Variants in PRDM11 observed in about 807,000 individuals in gnomAD.
PRDM11 encodes the protein PR domain-containing protein 11.
In PRDM11, 20 loss-of-function variants were observed where a neutral mutation model predicts 97.8. The ratio of observed to expected loss-of-function variants is 0.20; its 90% CI spans 0.14 to 0.30. The LOEUF is 0.30. Among genes scored for constraint, PRDM11 ranks in the 10% least tolerant of loss-of-function variants. The pLI is 1.00. For missense variants in PRDM11, 1,139 were observed against 1,555.2 expected (o/e 0.73, Z 4.50); for synonymous variants, 599 against 637.7 (o/e 0.94, Z 0.91).
intron 5 of PRDM11, among the ~76,000 whole-genome samples, chr11:45,211,799 TTGGGTCA>T (rs1242158708): frequency 6.6e-6 from 1 of 152,068 alleles, no homozygotes; most frequent in East Asian, 1.9e-4. Context: ...TGTATACTGC[TTGGGTCA>T]TGGGTGCACC....
At chr11:45,127,741 T>C (rs537694755) in intron 1 of PRDM11, among the ~76,000 whole-genome samples, 8 of 152,256 alleles carry the variant, frequency 5.3e-5, no homozygotes, top group Non-Finnish European at 1.0e-4. Context: ...TACCCGGCCC[T>C]GTGAGGTGTC....
At chr11:45,103,723 A>C (rs1190394895) in intron 1 of PRDM11, among the ~76,000 whole-genome samples, 1 of 148,276 alleles carries the variant, frequency 6.7e-6, no homozygotes, top group Non-Finnish European at 1.5e-5. Context: ...CATTATATGT[A>C]ATACTATATA....
rs578001880 is a variant in PRDM11, at chr11:45,134,244, G to A, written c.96+38343G>A. 2.6e-5 allele frequency among the ~76,000 whole-genome samples: 4 copies of A among 152,280 alleles called. No homozygotes were observed. In the South Asian group the frequency reaches 6.2e-4, roughly 24 times the overall value. On this transcript the variant is annotated intron_variant, in intron 1 of 6. Transcript: ENST00000530656. ...GACCAAATAGCTCATGCTGAAATAG[G>A]GTTAATGCAGGAGATATAGAAGAAA... is the stretch of plus-strand genomic sequence containing the variant.
chr11:45,134,719 AAAAAAAAG>A (rs1852799138), intron 1 of PRDM11, among the ~76,000 whole-genome samples: 3 of 147,870 alleles, frequency 2.0e-5, no homozygotes, highest in Non-Finnish European at 4.5e-5. Context: ...AAAAAAAAAA[AAAAAAAAG>A]AATAGTATTT....
intron 1 of PRDM11, among the ~76,000 whole-genome samples, chr11:45,099,546 C>G (rs1319360977): frequency 6.8e-6 from 1 of 146,492 alleles, no homozygotes; most frequent in Non-Finnish European, 1.5e-5. Flanking sequence ...CTGCCTTACA[C>G]TGCCTTTTTT....
intron 1 of PRDM11, 133 bp from the exon 2 acceptor site, chr11:45,181,628 A>G (rs1852503532): frequency 1.5e-6 from 1 of 686,234 alleles, no homozygotes; most frequent in African/African-American, 1.8e-5. Flanking sequence ...TGTGTTCTCA[A>G]GTGCTTCCTC....
At chr11:45,118,954 G>T (rs1434721215) in intron 1 of PRDM11, among the ~76,000 whole-genome samples, 1 of 152,222 alleles carries the variant, frequency 6.6e-6, no homozygotes, top group African/African-American at 2.4e-5. Context: ...GCATGGACTG[G>T]CAGTCTGCCT....
At chr11:45,209,363 C>T in intron 5 of PRDM11, 1 of 348,852 alleles carries the variant, frequency 2.9e-6, no homozygotes, top group Non-Finnish European at 5.7e-6. Context: ...TCCACAGTCT[C>T]CCACCGACTT....
At chr11:45,125,910 T>C (rs1852558707) in intron 1 of PRDM11, among the ~76,000 whole-genome samples, 1 of 152,228 alleles carries the variant, frequency 6.6e-6, no homozygotes, top group Non-Finnish European at 1.5e-5. Flanking sequence ...ACTTTCTGTC[T>C]TGTTGATCTG....
At chr11:45,119,301 G>T (rs914732321) in intron 1 of PRDM11, among the ~76,000 whole-genome samples, 1 of 152,170 alleles carries the variant, frequency 6.6e-6, no homozygotes, top group Non-Finnish European at 1.5e-5. Flanking sequence ...AACATTCCAA[G>T]GTCAGACGGA....
chr11:45,213,308 T>G (rs1282258864), intron 5 of PRDM11: 1 of 456,372 alleles, frequency 2.2e-6, no homozygotes, highest in Non-Finnish European at 4.4e-6. Context: ...CGTTCTCCTC[T>G]TGGTCTGTGT....
chr11:45,095,542 G>A (rs1851877176), upstream of PRDM11, among the ~76,000 whole-genome samples: 1 of 152,212 alleles, frequency 6.6e-6, no homozygotes, highest in Admixed American at 6.5e-5. Flanking sequence ...CCCTCTTCCT[G>A]ATGAACGCAC....
chr11:45,213,975 A>C (rs1853875308), intron 5 of PRDM11: 1 of 339,792 alleles, frequency 2.9e-6, no homozygotes, highest in Admixed American at 3.9e-5. Context: ...GTCCTGGGTG[A>C]GGTGGGAGGC....
In PRDM11 at chr11:45,227,461, A is replaced by C. The variant is rs903826472; in HGVS notation, c.2836A>C (p.Met946Leu). 8 of 1,533,726 alleles carry C rather than the reference A, an allele frequency of 5.2e-6. No homozygotes were observed. Among genetic ancestry groups the C allele is most frequent in the Non-Finnish European group, 7.0e-6 (8 of 1,146,736 alleles). The change falls in exon 8 of 8, where the codon ATG becomes CTG. Residue 946 changes from methionine to leucine, a missense_variant. This residue lies in a region of PRDM11 where 710 missense variants were observed against 1,044.9 expected (regional missense o/e 0.68). Coordinates refer to ENST00000683152, the MANE Select transcript of PRDM11 (RefSeq NM_001384648.1). This position sits in a 1 kb window ranked among gnomAD's most constrained non-coding sequence, Gnocchi z 8.0. ...CCGAGAGAGCTTCAACGGGATCGCC[A>C]TGAAGAACCTCAGGGTGGCTGAAGC... is the stretch of plus-strand genomic sequence containing the variant. The part of the protein sequence containing the change: ...NFRESFNGIA[M>L]KNLRVAEAKF...
Position 45,229,041 on chromosome 11 carries a change from A to G in PRDM11, c.*882A>G, listed in dbSNP as rs1425167615. The G allele has an allele frequency of 6.6e-6, 1 of 152,144 alleles. No individual in the cohort carries two copies. 9.4% of individuals were successfully genotyped at this position (152,144 alleles called of 1,614,324 possible). A position where few individuals can be genotyped will look rare whatever the true frequency, so the allele number is the denominator to read the frequency against. On this transcript the variant is annotated 3_prime_UTR_variant, in exon 8 of 8. Coordinates refer to ENST00000683152, the MANE Select transcript of PRDM11 (RefSeq NM_001384648.1). ...GATAAAACAATATAATTCCATTCCA[A>G]TCCAGGGCTTTTGGGGAGATGAAGA...
intron 1 of PRDM11, among the ~76,000 whole-genome samples, chr11:45,122,194 C>G (rs1026581723): frequency 8.0e-5 from 9 of 112,944 alleles, no homozygotes; most frequent in East Asian, 4.3e-4. Context: ...CAGACAGACA[C>G]ACACACAGAC....
At chr11:45,180,267 C>G (rs1399970990) in intron 1 of PRDM11, among the ~76,000 whole-genome samples, 1 of 152,228 alleles carries the variant, frequency 6.6e-6, no homozygotes, top group Non-Finnish European at 1.5e-5. Context: ...CCTGGCATAA[C>G]GCAGCCAGGA....
At chr11:45,098,229 C>T (rs969721032) in intron 1 of PRDM11, among the ~76,000 whole-genome samples, 1 of 152,224 alleles carries the variant, frequency 6.6e-6, no homozygotes, top group African/African-American at 2.4e-5. Context: ...AGGAAGAAGA[C>T]TGACATGCAA....
At chr11:45,218,999 T>C (rs1345706481) in intron 5 of PRDM11, among the ~76,000 whole-genome samples, 3 of 152,240 alleles carry the variant, frequency 2.0e-5, no homozygotes, top group African/African-American at 7.2e-5. Flanking sequence ...GTCAACCTTT[T>C]GTAGTCTGTT....
Sources: gnomAD v4.1 joint callset for allele counts (sites outside exome capture counted in the v4.1 genomes callset) on GRCh38, gnomAD v4.1.1 for gene constraint, gnomAD v4.1.1 regional missense constraint, Gnocchi (gnomAD v3.1) non-coding constraint, MANE v1.5 for transcripts, NCBI Gene and HGNC (gene_info 2026-07-23, HGNC 2026-07-21) for gene names.